The following CDH3 variants were observed in gnomAD, a reference collection of about 807,000 sequenced individuals.
CDH3 encodes the protein cadherin-3.
A neutral mutation model predicts 82.0 loss-of-function variants in CDH3; 54 were observed. That is an observed-to-expected ratio of 0.66 (90% CI 0.53 to 0.83). CDH3 has a LOEUF of 0.83. CDH3 is among the 40% of genes least tolerant of loss of function. The pLI, the probability that CDH3 is intolerant of heterozygous loss-of-function variation, is 0.00. For synonymous variants in CDH3, 446 were observed against 437.9 expected, an observed-to-expected ratio of 1.02 and a Z score of -0.23; for missense variants, 1,054 against 1,084.6, an observed-to-expected ratio of 0.97 and a Z score of 0.40.
In CDH3 at chr16:68,694,918, G is replaced by A. The variant is rs1270768557; in HGVS notation, c.2003-337G>A. On this transcript the variant is annotated intron_variant, in intron 13 of 15. Transcript: ENST00000264012. ...GGTGTTATAAGCTGAGAGCTGACAT[G>A]TGGGAGCCATGTGTATGCATAGAGT... Among the ~76,000 whole-genome samples the A allele has an allele frequency of 3.9e-5, 6 of 152,292 alleles. No homozygotes were observed. In the East Asian group the frequency reaches 9.6e-4, roughly 24 times the overall value.
intron 12 of CDH3, among the ~76,000 whole-genome samples, chr16:68,690,084 C>T (rs1179591152): frequency 7.9e-5 from 12 of 152,308 alleles, no homozygotes; most frequent in South Asian, 4.1e-4. Flanking sequence ...GGGATTGCCA[C>T]GCAGTCTCCC....
intron 2 of CDH3, among the ~76,000 whole-genome samples, chr16:68,659,526 G>GCCTCCCGGGTTCAAGCT: frequency 6.6e-6 from 1 of 151,118 alleles, no homozygotes. Context: ...AGTGAGCCAA[G>GCCTCCCGGGTTCAAGCT]ATCATACGAC....
chr16:68,646,396 C>T (rs951323506), intron 2 of CDH3, among the ~76,000 whole-genome samples: 1 of 152,102 alleles, frequency 6.6e-6, no homozygotes, highest in Non-Finnish European at 1.5e-5. Flanking sequence ...GATGCTAGGT[C>T]ACTGGGGGGA....
At chr16:68,658,282 G>C (rs137986748) in intron 2 of CDH3, among the ~76,000 whole-genome samples, 3 of 152,090 alleles carry the variant, frequency 2.0e-5, no homozygotes, top group East Asian at 1.9e-4. Flanking sequence ...TCAGACTCTC[G>C]TTAAACCCAG....
chr16:68,658,377 G>C (rs1960465909), intron 2 of CDH3, among the ~76,000 whole-genome samples: 1 of 152,148 alleles, frequency 6.6e-6, no homozygotes, highest in Non-Finnish European at 1.5e-5. Context: ...CAAATGATGT[G>C]GCCTGAGGCG....
rs769513588 is a variant in CDH3, at chr16:68,691,811, G to C, written c.1887G>C (p.Gln629His). The C allele has an allele frequency of 1.5e-5, 24 of 1,614,034 alleles. No homozygotes were observed. The South Asian group carries it at 2.5e-4, about 17-fold the overall frequency. ...LSLSDHGNKEQLTVIRATVCD... is the reference protein window; with the variant it reads ...LSLSDHGNKEHLTVIRATVCD... Reference sequence around the variant, plus strand: ...TGTCTGACCATGGCAACAAAGAGCAGCTGACGGTGATCAGGGCCACTGTGT... The same window carrying C: ...TGTCTGACCATGGCAACAAAGAGCACCTGACGGTGATCAGGGCCACTGTGT... Residue 629 changes from glutamine to histidine, a missense_variant, in exon 13 of 16, where the codon CAG (glutamine) becomes CAC (histidine). Gln to His is a conservative substitution (Grantham distance 24). Coordinates refer to ENST00000264012, the MANE Select transcript of CDH3 (RefSeq NM_001793.6).
chr16:68,645,654 G>T lies in CDH3; in HGVS notation c.64G>T (p.Ala22Ser). ...LLLQVCWLQC[A>S]ASEPCRAVFR... ...GGCGCAGGTTTGCTGGCTGCAGTGC[G>T]CGGCCTCCGAGCCGTGCCGGGCGGT... is the stretch of plus-strand genomic sequence containing the variant. Residue 22 changes from alanine (A) to serine (S), a missense_variant, in exon 2 of 16, where the codon GCG becomes TCG. Transcript: ENST00000264012. 6.5e-7 allele frequency: 1 copy of T among 1,542,838 alleles called. No homozygotes were observed.
At chr16:68,719,525 T>TC (rs1232768024) in intron 1 of CDH3, among the ~76,000 whole-genome samples, 7 of 147,090 alleles carry the variant, frequency 4.8e-5, no homozygotes, top group Non-Finnish European at 9.0e-5. Flanking sequence ...TTTTTTTTTT[T>TC]GAGAGGGAGT....
In CDH3 at chr16:68,695,796, T is replaced by C; in HGVS notation, c.2153T>C (p.Leu718Pro). ...EEDQDYDITQ[L>P]HRGLEARPEV... The stretch of plus-strand genomic sequence containing the variant: ...CCACAGGACTATGACATCACCCAGC[T>C]CCACCGAGGTCTGGAGGCCAGGCCG... Residue 718 changes from leucine to proline, a missense_variant, in exon 15 of 16, where the codon CTC (leucine) becomes CCC (proline). Physicochemically the swap from Leu to Pro is moderately conservative, Grantham distance 98. Transcript: ENST00000264012. The C allele has an allele frequency of 6.2e-7, 1 of 1,613,992 alleles. No homozygotes were observed. The highest frequency in any genetic ancestry group is 8.5e-7 in the Non-Finnish European group (1 of 1,179,998).
chr16:68,731,909 T>TG (rs1253635559), downstream of CDH3, among the ~76,000 whole-genome samples: 3 of 151,974 alleles, frequency 2.0e-5, no homozygotes, highest in Non-Finnish European at 4.4e-5. Context: ...AAAGAAGATT[T>TG]GGTACAATTA....
At chr16:68,704,291 A>T (rs202017616), downstream of CDH3, among the ~76,000 whole-genome samples, 3 of 152,132 alleles carry the variant, frequency 2.0e-5, no homozygotes, top group African/African-American at 7.2e-5. Context: ...CGTCTCAAAA[A>T]AAAAAAAAAA....
Position 68,680,956 on chromosome 16 carries a change from C to A in CDH3, c.868-12C>A. 6.2e-7 allele frequency: 1 copy of A among 1,614,044 alleles called. No homozygotes were observed. The highest frequency in any genetic ancestry group is 8.5e-7 in the Non-Finnish European group (1 of 1,179,956). On this transcript the variant is annotated splice_polypyrimidine_tract_variant and intron_variant, in intron 7 of 15. Coordinates refer to ENST00000264012, the MANE Select transcript of CDH3 (RefSeq NM_001793.6). Reference sequence around the variant, plus strand: ...AAACTCACAATGGGCTTCCCCTCTCCTTTCTCCCCAGAAAGTCCCTGAGTA... The same window carrying A: ...AAACTCACAATGGGCTTCCCCTCTCATTTCTCCCCAGAAAGTCCCTGAGTA...
At chr16:68,732,768 A>C in the CDH3 span, among the ~76,000 whole-genome samples, 1 of 152,240 alleles carries the variant, frequency 6.6e-6, no homozygotes, top group Non-Finnish European at 1.5e-5. Flanking sequence ...ACCAGAGCCC[A>C]TCCACAGACA....
Position 68,678,297 on chromosome 16 carries a change from T to C in CDH3, c.390+20T>C. ...AATCAGGTACGACTGTGCCTTCTCC[T>C]GGGAAGCATTGGTGGCTCCAGGGAC... On this transcript the variant is annotated intron_variant, in intron 4 of 15. Transcript: ENST00000264012. The C allele has an allele frequency of 1.2e-6, 2 of 1,613,926 alleles. No individual in the cohort carries two copies. The highest frequency in any genetic ancestry group is 2.2e-5 in the South Asian group (2 of 91,084).
intron 2 of CDH3, among the ~76,000 whole-genome samples, chr16:68,665,469 T>G (rs375909754): frequency 4.7e-4 from 71 of 150,734 alleles, no homozygotes; most frequent in African/African-American, 1.2e-3. Flanking sequence ...CACCTGGGGG[T>G]GTGTGTGTGT....
chr16:68,706,064 C>CAA (rs548695101), intron 1 of CDH3, among the ~76,000 whole-genome samples: 47 of 70,548 alleles, frequency 6.7e-4, no homozygotes, highest in African/African-American at 1.8e-3. Flanking sequence ...GACTCCGTCT[C>CAA]AAAAAAAAAA....
intron 1 of CDH3, among the ~76,000 whole-genome samples, chr16:68,710,298 C>G (rs1962011060): frequency 6.6e-6 from 1 of 152,234 alleles, no homozygotes; most frequent in African/African-American, 2.4e-5. Context: ...GGACTAAGGG[C>G]TGCCCTGGCT....
At chr16:68,666,265 A>G (rs1265911240) in intron 2 of CDH3, among the ~76,000 whole-genome samples, 1 of 151,890 alleles carries the variant, frequency 6.6e-6, no homozygotes, top group Non-Finnish European at 1.5e-5. Context: ...CTGTGTATAG[A>G]TGGGTGCCAT....
chr16:68,727,066 C>T (rs1214216894), intron 2 of CDH3, among the ~76,000 whole-genome samples: 1 of 152,170 alleles, frequency 6.6e-6, no homozygotes, highest in East Asian at 1.9e-4. Context: ...TGGATGGGCA[C>T]CATTCAGTCT....
Sources: allele counts gnomAD v4.1 joint callset (sites outside exome capture counted in the v4.1 genomes callset), GRCh38; gene constraint gnomAD v4.1.1; transcripts MANE v1.5; gene names NCBI Gene and HGNC (gene_info 2026-07-23, HGNC 2026-07-21).